The following NCCRP1 variants were observed in gnomAD, a reference collection of about 807,000 sequenced individuals.
NCCRP1 encodes the protein NCCRP1, F-box associated domain containing.
In NCCRP1, 32 loss-of-function variants were observed where a neutral mutation model predicts 34.4. The ratio of observed to expected loss-of-function variants is 0.93; its 90% CI spans 0.70 to 1.25. NCCRP1 has a LOEUF of 1.25. Ranked by LOEUF, NCCRP1 falls within the 50% of genes most tolerant of loss-of-function variation. The pLI, the probability that NCCRP1 is intolerant of heterozygous loss-of-function variation, is 0.00. For synonymous variants in NCCRP1, 172 were observed against 180.1 expected (o/e 0.95, Z 0.36); for missense variants, 372 against 391.8 (o/e 0.95, Z 0.43).
rs575204238 is a variant in NCCRP1, at chr19:39,200,284, A to T, written c.549-62A>T. On this transcript the variant is annotated intron_variant, in intron 4 of 5. Transcript: ENST00000339852. The surrounding 1 kb of genome is among the most constrained non-coding windows in gnomAD (Gnocchi z 5.8). ...TGTGTGTTGAATGGGGAATGGGGCC[A>T]GGGGCTGGGGCTGGGTAGCTGAGAC... 196 of 1,594,054 alleles carry T rather than the reference A, an allele frequency of 1.2e-4. No individual in the cohort carries two copies. In the African/African-American group the frequency reaches 2.4e-3, roughly 19 times the overall value.
chr19:39,197,592 C>T lies in NCCRP1; in HGVS notation c.337+273C>T, dbSNP rs142503641. Reference sequence around the variant, plus strand: ...TCTCCCCCTCTGCCTATGTTTCTGTCTCTTGAGACGGAGTCTTGCTGTCGC... The same window carrying T: ...TCTCCCCCTCTGCCTATGTTTCTGTTTCTTGAGACGGAGTCTTGCTGTCGC... On this transcript the variant is annotated intron_variant, in intron 1 of 5. Transcript: ENST00000339852. Among the ~76,000 whole-genome samples, 18 of 152,196 alleles carry T rather than the reference C, an allele frequency of 1.2e-4. No individual in the cohort carries two copies. The East Asian group carries it at 3.3e-3, about 28-fold the overall frequency.
At chr19:39,197,941 T>C in intron 1 of NCCRP1, 112 bp from the exon 2 acceptor site, 4 of 1,299,688 alleles carry the variant, frequency 3.1e-6, no homozygotes, top group Non-Finnish European at 4.4e-6. Flanking sequence ...CGGGCTTCCC[T>C]GACCTGGCAC....
intron 4 of NCCRP1, 36 bp downstream of exon 4, chr19:39,199,301 T>C: frequency 1.9e-6 from 3 of 1,589,524 alleles, no homozygotes; most frequent in Non-Finnish European, 2.6e-6. Context: ...GACCCCGTGA[T>C]CGCGCAGGGC....
At chr19:39,197,350 A>C (rs1325103788) in intron 1 of NCCRP1, 31 bp downstream of exon 1, 5 of 1,391,278 alleles carry the variant, frequency 3.6e-6, no homozygotes, top group Non-Finnish European at 4.6e-6. Context: ...GCCAGGAGGC[A>C]CCACCCTGAC....
In NCCRP1 at chr19:39,201,024, A is replaced by C; in HGVS notation, c.*268A>C. On this transcript the variant is annotated 3_prime_UTR_variant, in exon 6 of 6. Coordinates refer to ENST00000339852, the MANE Select transcript of NCCRP1 (RefSeq NM_001001414.2). ...ATCTCTGTTGAGAGAATGCATAGAC[A>C]CCTGTGCCCAAGGATGCTGAGGGCT... The C allele has an allele frequency of 2.4e-6, 1 of 418,848 alleles. No homozygotes were observed. The highest frequency in any genetic ancestry group is 4.2e-6 in the Non-Finnish European group (1 of 235,864). The allele number at this position is 418,848 out of a possible 1,614,324, so 25.9% of individuals were successfully genotyped here.
chr19:39,199,370 C>T, intron 4 of NCCRP1, 105 bp downstream of exon 4: 1 of 982,972 alleles, frequency 1.0e-6, no homozygotes, highest in Non-Finnish European at 1.5e-6. Context: ...CACCAAGACC[C>T]TCCTGGTGCT....
chr19:39,197,929 GC>G (rs1188075707), intron 1 of NCCRP1, 123 bp from the exon 2 acceptor site: 2 of 1,125,742 alleles, frequency 1.8e-6, no homozygotes, highest in Admixed American at 1.8e-5. Flanking sequence ...ACTCATCCCT[GC>G]CGGGCTTCCC....
rs1193302469 is a variant in NCCRP1, at chr19:39,200,085, T to C, written c.549-261T>C. 6.6e-6 allele frequency among the ~76,000 whole-genome samples: 1 copy of C among 151,914 alleles called. No individual in the cohort carries two copies. Among genetic ancestry groups the C allele is most frequent in the African/African-American group, 2.4e-5 (1 of 41,324 alleles). Reference sequence around the variant, plus strand: ...GTCCCCCCATCCTGGCCCTGACCCCTCTGCCCGTGCTCCCCATCCCAAACC... The same window carrying C: ...GTCCCCCCATCCTGGCCCTGACCCCCCTGCCCGTGCTCCCCATCCCAAACC... On this transcript the variant is annotated intron_variant, in intron 4 of 5. Coordinates refer to ENST00000339852, the MANE Select transcript of NCCRP1 (RefSeq NM_001001414.2). The surrounding 1 kb of genome is among the most constrained non-coding windows in gnomAD (Gnocchi z 5.8).
At position 39,201,196 on chromosome 19, in the gene NCCRP1, C is replaced by T; in HGVS notation, c.*440C>T. 5.8e-6 allele frequency: 1 copy of T among 171,238 alleles called. No homozygotes were observed. Among genetic ancestry groups the T allele is most frequent in the Non-Finnish European group, 1.2e-5 (1 of 80,378 alleles). 10.6% of individuals were successfully genotyped at this position (171,238 alleles called of 1,614,324 possible). On this transcript the variant is annotated 3_prime_UTR_variant, in exon 6 of 6. Coordinates refer to ENST00000339852, the MANE Select transcript of NCCRP1 (RefSeq NM_001001414.2). ...CCATTCACTTCACTCAGTTCCTGTCCCATTTAACCGCCCCGATCCTTGATC... is the reference window on the plus strand; with the variant it reads ...CCATTCACTTCACTCAGTTCCTGTCTCATTTAACCGCCCCGATCCTTGATC...
At chr19:39,198,370 A>C in intron 3 of NCCRP1, 117 bp downstream of exon 3, 1 of 1,132,508 alleles carries the variant, frequency 8.8e-7, no homozygotes, top group Admixed American at 1.8e-5. Context: ...CTCTGTAAAC[A>C]GGGTTAGCAT....
chr19:39,199,147 C>T, intron 3 of NCCRP1, 23 bp from the exon 4 acceptor site: 9 of 1,610,512 alleles, frequency 5.6e-6, no homozygotes, highest in Non-Finnish European at 5.9e-6. Context: ...CAGACCCCGC[C>T]TCTCCCGGCC....
rs1402077130 is a variant in NCCRP1 at position 39,197,448 on chromosome 19, C to A, written c.337+129C>A. Reference sequence around the variant, plus strand: ...TGCATTTCTCTGCATCCCTCTGTCTCTTTTTCTGTCATTGTGCCTCTCCAT... The same window carrying A: ...TGCATTTCTCTGCATCCCTCTGTCTATTTTTCTGTCATTGTGCCTCTCCAT... On this transcript the variant is annotated intron_variant, in intron 1 of 5. Transcript: ENST00000339852. 4.9e-6 allele frequency: 4 copies of A among 816,222 alleles called. No homozygotes were observed. The African/African-American group carries it at 5.5e-5, about 11-fold the overall frequency. 50.6% of individuals were successfully genotyped at this position (816,222 alleles called of 1,614,324 possible). A position where few individuals can be genotyped will look rare whatever the true frequency, so the allele number is the denominator to read the frequency against.
At chr19:39,198,418 G>A (rs1010506642) in intron 3 of NCCRP1, among the ~76,000 whole-genome samples, 165 bp downstream of exon 3, 4 of 152,112 alleles carry the variant, frequency 2.6e-5, no homozygotes, top group African/African-American at 7.2e-5. Context: ...CATAGGGCCC[G>A]GCCAGGTCTG....
chr19:39,199,367 A>T, intron 4 of NCCRP1, 102 bp downstream of exon 4: 1 of 1,033,426 alleles, frequency 9.7e-7, no homozygotes, highest in South Asian at 1.4e-5. Context: ...CTTCACCAAG[A>T]CCCTCCTGGT....
intron 3 of NCCRP1, 100 bp from the exon 4 acceptor site, chr19:39,199,070 G>A: frequency 1.8e-6 from 2 of 1,124,546 alleles, no homozygotes; most frequent in Non-Finnish European, 2.7e-6. Context: ...CCCACGTGTG[G>A]GGACCCAAGC....
chr19:39,200,537 A>G lies in NCCRP1; in HGVS notation c.687+53A>G. 1 of 1,610,466 alleles carries G rather than the reference A, an allele frequency of 6.2e-7. No individual in the cohort carries two copies. The highest frequency in any genetic ancestry group is 1.3e-5 in the African/African-American group (1 of 74,992). On this transcript the variant is annotated intron_variant, in intron 5 of 5. Coordinates refer to ENST00000339852, the MANE Select transcript of NCCRP1 (RefSeq NM_001001414.2). The surrounding 1 kb of genome is among the most constrained non-coding windows in gnomAD (Gnocchi z 5.8). ...ACCCCAGACGTGTGTTCTTGTCCCA[A>G]GACCTCACAGAGGGAGGAGAACAGG... is the stretch of plus-strand genomic sequence containing the variant.
Position 39,201,197 on chromosome 19 carries a change from C to A in NCCRP1, c.*441C>A. The A allele has an allele frequency of 5.9e-6, 1 of 170,564 alleles. No individual in the cohort carries two copies. Among genetic ancestry groups the A allele is most frequent in the Non-Finnish European group, 1.3e-5 (1 of 79,932 alleles). 10.6% of individuals were successfully genotyped at this position (170,564 alleles called of 1,614,324 possible). On this transcript the variant is annotated 3_prime_UTR_variant, in exon 6 of 6. Coordinates refer to ENST00000339852, the MANE Select transcript of NCCRP1 (RefSeq NM_001001414.2). ...CATTCACTTCACTCAGTTCCTGTCC[C>A]ATTTAACCGCCCCGATCCTTGATCT...
chr19:39,198,945 C>T (rs1440312925), intron 3 of NCCRP1, among the ~76,000 whole-genome samples: 1 of 152,152 alleles, frequency 6.6e-6, no homozygotes, highest in Admixed American at 6.5e-5. Context: ...GCTGCTTGAC[C>T]TTGGACACGT....
At position 39,197,191 on chromosome 19, in the gene NCCRP1, G is replaced by A. The variant is rs1374202781; in HGVS notation, c.209G>A (p.Arg70Gln). The A allele has an allele frequency of 7.0e-6, 10 of 1,427,228 alleles. No homozygotes were observed. In the East Asian group the frequency reaches 2.6e-4, roughly 37 times the overall value. 88.4% of individuals were successfully genotyped at this position (1,427,228 alleles called of 1,614,324 possible). A position where few individuals can be genotyped will look rare whatever the true frequency, so the allele number is the denominator to read the frequency against. ...EPAQPSEAHA[R>Q]QLLLEEWGPL... The stretch of plus-strand genomic sequence containing the variant: ...GCGCAGCCGTCCGAGGCTCACGCCC[G>A]GCAGCTGCTGCTGGAGGAGTGGGGG... Residue 70 changes from arginine to glutamine, a missense_variant, in exon 1 of 6, where the codon CGG becomes CAG. Physicochemically the swap from Arg to Gln is conservative, Grantham distance 43. Coordinates refer to ENST00000339852, the MANE Select transcript of NCCRP1 (RefSeq NM_001001414.2).
Sources: allele counts gnomAD v4.1 joint callset (sites outside exome capture counted in the v4.1 genomes callset), GRCh38; gene constraint gnomAD v4.1.1; non-coding constraint Gnocchi (gnomAD v3.1); transcripts MANE v1.5; gene names NCBI Gene and HGNC (gene_info 2026-07-23, HGNC 2026-07-21).